The following MDGA2 variants were observed in gnomAD, a reference collection of about 807,000 sequenced individuals.
The protein encoded by MDGA2 is MAM domain containing glycosylphosphatidylinositol anchor 2.
In MDGA2, 40 loss-of-function variants were observed where a neutral mutation model predicts 117.8. The observed-to-expected ratio is 0.34, with a 90% CI of 0.26 to 0.44. The LOEUF (loss-of-function observed/expected upper bound fraction) is 0.44, where lower values mean the gene tolerates loss of function less well. MDGA2 is among the 20% of genes least tolerant of loss of function. The pLI, the probability that MDGA2 is intolerant of heterozygous loss-of-function variation, is 1.00. For missense variants in MDGA2, 1,123 were observed against 1,250.6 expected (o/e 0.90, Z 1.54); for synonymous variants, 452 against 439.0 (o/e 1.03, Z -0.37).
At chr14:47,328,262 A>C (rs1274437486) in intron 1 of MDGA2, among the ~76,000 whole-genome samples, 1 of 152,186 alleles carries the variant, frequency 6.6e-6, no homozygotes, top group Non-Finnish European at 1.5e-5. Flanking sequence ...AAATTCCTGA[A>C]GAAACAGAAA....
chr14:47,552,293 T>C (rs1194130900), intron 1 of MDGA2, among the ~76,000 whole-genome samples: 1 of 152,180 alleles, frequency 6.6e-6, no homozygotes, highest in Non-Finnish European at 1.5e-5. Flanking sequence ...TCTTCTGAAT[T>C]CCAGACCTGA....
intron 9 of MDGA2, among the ~76,000 whole-genome samples, chr14:46,953,681 G>A (rs920366881): frequency 6.6e-6 from 1 of 151,814 alleles, no homozygotes; most frequent in African/African-American, 2.4e-5. Flanking sequence ...AAACATTTCA[G>A]TAAAAACATA....
At chr14:47,674,421 G>T in intron 1 of MDGA2, 96 bp downstream of exon 1, 2 of 1,060,572 alleles carry the variant, frequency 1.9e-6, no homozygotes, top group Non-Finnish European at 2.8e-6. Flanking sequence ...GCCACGCCGG[G>T]AGGGGCCCCG....
chr14:46,858,988 G>A (rs1566494296), intron 14 of MDGA2, among the ~76,000 whole-genome samples: 2 of 152,242 alleles, frequency 1.3e-5, no homozygotes, highest in South Asian at 4.1e-4. Context: ...AACTTGTATA[G>A]GCTTGGTTTT....
At chr14:47,137,931 T>C (rs555145096) in intron 4 of MDGA2, among the ~76,000 whole-genome samples, 21 of 152,248 alleles carry the variant, frequency 1.4e-4, no homozygotes, top group African/African-American at 5.1e-4. Flanking sequence ...ATATGTAAGA[T>C]TAATGTATAT....
intron 1 of MDGA2, among the ~76,000 whole-genome samples, chr14:47,555,065 T>C (rs1243217398): frequency 1.3e-5 from 2 of 152,200 alleles, no homozygotes; most frequent in East Asian, 3.9e-4. Flanking sequence ...GCTACCTTTG[T>C]CAAAGTACAA....
chr14:47,201,072 A>T lies in MDGA2; in HGVS notation c.595+16949T>A. 2.8e-6 allele frequency: 3 copies of T among 1,089,638 alleles called. No individual in the cohort carries two copies. In the South Asian group the frequency reaches 3.7e-5, roughly 13 times the overall value. 67.5% of individuals were successfully genotyped at this position (1,089,638 alleles called of 1,614,324 possible). Reference sequence around the variant, plus strand: ...CCAGGCGGCCCAGGAGATGGCCTCGACCATCAAGCACCAAGACCTGCACCT... The same window carrying T: ...CCAGGCGGCCCAGGAGATGGCCTCGTCCATCAAGCACCAAGACCTGCACCT... On this transcript the variant is annotated intron_variant, in intron 3 of 16. Coordinates refer to ENST00000399232, the MANE Select transcript of MDGA2 (RefSeq NM_001113498.3).
rs556089279 is a variant in MDGA2, at chr14:47,671,754, T to C, written c.280+2763A>G. Among the ~76,000 whole-genome samples the C allele has an allele frequency of 1.9e-3, 288 of 152,336 alleles. 1 individual carries two copies. The highest frequency in any genetic ancestry group is 6.7e-3 in the African/African-American group (277 of 41,584). ...CTTTTAAATTAATCATTCTCAAAGT[T>C]ATTCATATAAAATGTTCAAAACACA... On this transcript the variant is annotated intron_variant, in intron 1 of 16. Coordinates refer to ENST00000399232, the MANE Select transcript of MDGA2 (RefSeq NM_001113498.3).
At chr14:47,546,057 A>G (rs1298908262) in intron 1 of MDGA2, among the ~76,000 whole-genome samples, 1 of 152,190 alleles carries the variant, frequency 6.6e-6, no homozygotes, top group African/African-American at 2.4e-5. Flanking sequence ...TTTAGGAGAA[A>G]AACAAAACTA....
chr14:47,591,698 T>C (rs573859570), intron 1 of MDGA2, among the ~76,000 whole-genome samples: 6 of 152,142 alleles, frequency 3.9e-5, no homozygotes, highest in East Asian at 1.9e-4. Flanking sequence ...AATATCTCAA[T>C]AGACTCAGAA....
chr14:47,497,522 T>C (rs1894307888), intron 1 of MDGA2, among the ~76,000 whole-genome samples: 1 of 152,048 alleles, frequency 6.6e-6, no homozygotes, highest in Admixed American at 6.6e-5. Flanking sequence ...CCTCCTAAAG[T>C]GTTGGGATTA....
chr14:47,377,598 C>A (rs904467158), intron 1 of MDGA2, among the ~76,000 whole-genome samples: 3 of 152,006 alleles, frequency 2.0e-5, no homozygotes, highest in Admixed American at 2.0e-4. Context: ...CCCATGCCCA[C>A]GGAGCCTTGC....
At chr14:47,354,423 C>T (rs768869569) in intron 1 of MDGA2, among the ~76,000 whole-genome samples, 2 of 152,136 alleles carry the variant, frequency 1.3e-5, no homozygotes, top group Non-Finnish European at 2.9e-5. Context: ...CCAGAGATGC[C>T]TGATTTGGAG....
chr14:47,319,182 ACCT>A (rs1473985562), intron 1 of MDGA2, among the ~76,000 whole-genome samples: 2 of 151,980 alleles, frequency 1.3e-5, no homozygotes, highest in African/African-American at 4.8e-5. Flanking sequence ...ATCGTCAATC[ACCT>A]CCTATTATTC....
At chr14:47,158,631 T>A (rs1883507611) in intron 3 of MDGA2, among the ~76,000 whole-genome samples, 1 of 152,016 alleles carries the variant, frequency 6.6e-6, no homozygotes, top group African/African-American at 2.4e-5. Flanking sequence ...ATTTTTGTAT[T>A]TGTAGTAGAG....
chr14:46,907,077 A>C (rs1595036248), intron 10 of MDGA2, among the ~76,000 whole-genome samples: 1 of 151,248 alleles, frequency 6.6e-6, no homozygotes, highest in Non-Finnish European at 1.5e-5. Flanking sequence ...CCCAGGTTCA[A>C]GCAATTCTCC....
chr14:47,442,907 C>A (rs560426549), intron 1 of MDGA2, among the ~76,000 whole-genome samples: 1 of 152,008 alleles, frequency 6.6e-6, no homozygotes, highest in African/African-American at 2.4e-5. Flanking sequence ...TCCCTTTGTT[C>A]GGCGTACCCA....
intron 1 of MDGA2, among the ~76,000 whole-genome samples, chr14:47,320,317 G>C (rs2139872585): frequency 6.6e-6 from 1 of 152,220 alleles, no homozygotes; most frequent in South Asian, 2.1e-4. Flanking sequence ...AGGAGTTCAA[G>C]GCTGCAGTGA....
intron 3 of MDGA2, among the ~76,000 whole-genome samples, chr14:47,213,600 T>C (rs1283259890): frequency 1.4e-5 from 2 of 139,880 alleles, no homozygotes; most frequent in African/African-American, 5.5e-5. Context: ...TCTTACGTAG[T>C]ATCTACTTGA....
Sources: allele counts gnomAD v4.1 joint callset (sites outside exome capture counted in the v4.1 genomes callset), GRCh38; gene constraint gnomAD v4.1.1; transcripts MANE v1.5; gene names NCBI Gene and HGNC (gene_info 2026-07-23, HGNC 2026-07-21).